Variants in FHIT observed in about 807,000 individuals in gnomAD.
The protein encoded by FHIT is fragile histidine triad diadenosine triphosphatase, also known as bis(5'-adenosyl)-triphosphatase.
Under a neutral mutation model 17.9 loss-of-function variants are expected in FHIT, and 19 were observed. That is an observed-to-expected ratio of 1.06 (90% CI 0.74 to 1.56). The LOEUF is 1.56. Among genes scored for constraint, FHIT ranks in the 40% most tolerant of loss-of-function variants. The pLI is 0.00. For missense variants in FHIT, 248 were observed against 189.2 expected (o/e 1.31, Z -1.82); for synonymous variants, 81 against 69.7 (o/e 1.16, Z -0.81).
At chr3:60,940,141 G>T (rs983900288) in intron 3 of FHIT, among the ~76,000 whole-genome samples, 2 of 152,170 alleles carry the variant, frequency 1.3e-5, no homozygotes, top group African/African-American at 4.8e-5. Flanking sequence ...ACGGGATAAA[G>T]ACTGGGTGAT....
intron 8 of FHIT, among the ~76,000 whole-genome samples, chr3:59,857,385 C>T (rs956200479): frequency 1.3e-5 from 2 of 152,004 alleles, no homozygotes; most frequent in Non-Finnish European, 2.9e-5. Context: ...AACATTCTGG[C>T]CACTTCACTG....
At chr3:60,723,094 T>C (rs549235324) in intron 4 of FHIT, among the ~76,000 whole-genome samples, 1 of 152,288 alleles carries the variant, frequency 6.6e-6, no homozygotes, top group Non-Finnish European at 1.5e-5. Flanking sequence ...CTCTAGACTC[T>C]TCTTCCTCAG....
chr3:60,553,441 AATATATATAT>A (rs373735298), intron 4 of FHIT: 36 of 483,560 alleles, frequency 7.4e-5, no homozygotes, highest in African/African-American at 6.8e-4. Context: ...ACTGCTTTAA[AATATATATAT>A]ATATATATTT....
intron 8 of FHIT, among the ~76,000 whole-genome samples, chr3:59,812,967 A>C (rs2107054028): frequency 6.6e-6 from 1 of 152,264 alleles, no homozygotes; most frequent in Middle Eastern, 3.4e-3. Context: ...CCAGCAGGGA[A>C]AATTCCGTGC....
intron 1 of FHIT, among the ~76,000 whole-genome samples, chr3:61,239,760 GCC>G (rs1491368730): frequency 0.21 from 6,528 of 31,016 alleles, 553 homozygotes; most frequent in East Asian, 0.49. Context: ...AAAACAACTG[GCC>G]ATATATATAT....
intron 4 of FHIT, among the ~76,000 whole-genome samples, chr3:60,738,826 C>G (rs1440136114): frequency 6.6e-6 from 1 of 152,244 alleles, no homozygotes; most frequent in Non-Finnish European, 1.5e-5. Flanking sequence ...AAGGCCCCAA[C>G]CTCAAGCCTG....
intron 2 of FHIT, among the ~76,000 whole-genome samples, chr3:61,053,388 G>A (rs1468132524): frequency 6.6e-6 from 1 of 152,204 alleles, no homozygotes; most frequent in Non-Finnish European, 1.5e-5. Context: ...GCTGGGTGTG[G>A]TGGCTCACAC....
chr3:60,060,732 G>A (rs1702263581), intron 5 of FHIT, among the ~76,000 whole-genome samples: 1 of 152,120 alleles, frequency 6.6e-6, no homozygotes, highest in Non-Finnish European at 1.5e-5. Flanking sequence ...TTCTCCCCCA[G>A]TGTGATACCA....
At chr3:61,113,901 C>G (rs1303435082) in intron 2 of FHIT, among the ~76,000 whole-genome samples, 1 of 152,174 alleles carries the variant, frequency 6.6e-6, no homozygotes, top group African/African-American at 2.4e-5. Flanking sequence ...CTGCAGCACA[C>G]GGTCTCTGTC....
chr3:59,986,531 A>AAATATATTTATATTTATACATT (rs1708924362), intron 7 of FHIT, among the ~76,000 whole-genome samples: 4 of 5,292 alleles, frequency 7.6e-4, no homozygotes, highest in African/African-American at 1.8e-3. Context: ...ATATATATAT[A>AAATATATTTATATTTATACATT]TATATATATA....
chr3:60,474,914 C>T (rs1167198841), intron 5 of FHIT, among the ~76,000 whole-genome samples: 2 of 152,152 alleles, frequency 1.3e-5, no homozygotes, highest in Non-Finnish European at 2.9e-5. Context: ...TGAGCCACCG[C>T]ACCTGGCCAA....
chr3:60,718,698 G>A (rs1462821731), intron 4 of FHIT, among the ~76,000 whole-genome samples: 2 of 152,160 alleles, frequency 1.3e-5, no homozygotes, highest in Non-Finnish European at 2.9e-5. Flanking sequence ...CTATCAGACA[G>A]AACAACTCTT....
chr3:59,949,981 A>C (rs1464153932), intron 7 of FHIT, among the ~76,000 whole-genome samples: 4 of 152,210 alleles, frequency 2.6e-5, no homozygotes, highest in Non-Finnish European at 5.9e-5. Context: ...TAAATCTCTA[A>C]TGAGGACCAG....
At chr3:60,556,446 C>A (rs1423241994) in intron 4 of FHIT, among the ~76,000 whole-genome samples, 1 of 152,198 alleles carries the variant, frequency 6.6e-6, no homozygotes, top group African/African-American at 2.4e-5. Context: ...GCAACAAGAG[C>A]CTTGCACCAA....
At chr3:60,208,224 T>G (rs1703290073) in intron 5 of FHIT, among the ~76,000 whole-genome samples, 1 of 152,230 alleles carries the variant, frequency 6.6e-6, no homozygotes, top group African/African-American at 2.4e-5. Flanking sequence ...AAATTTCCAC[T>G]GCCACAGGCA....
chr3:60,543,402 T>C (rs2036249132), intron 4 of FHIT, among the ~76,000 whole-genome samples: 1 of 152,218 alleles, frequency 6.6e-6, no homozygotes, highest in Non-Finnish European at 1.5e-5. Flanking sequence ...TTGATTAGAC[T>C]GAATTTAAAT....
intron 2 of FHIT, among the ~76,000 whole-genome samples, chr3:61,059,198 T>C (rs186453447): frequency 1.3e-5 from 2 of 152,312 alleles, no homozygotes; most frequent in East Asian, 1.9e-4. Context: ...CTTTCGTAAA[T>C]GGTAAATGAA....
intron 5 of FHIT, among the ~76,000 whole-genome samples, chr3:60,043,673 C>T (rs2630159): frequency 8.1e-5 from 10 of 123,592 alleles, no homozygotes; most frequent in African/African-American, 1.7e-4. Flanking sequence ...TATAGATAGA[C>T]AGATAGATAG....
intron 2 of FHIT, among the ~76,000 whole-genome samples, chr3:61,070,067 T>C (rs1306559244): frequency 6.6e-6 from 1 of 152,156 alleles, no homozygotes. Flanking sequence ...AATTTGTGTA[T>C]ATTTTTAGTA....
Sources: gnomAD v4.1 joint callset for allele counts (sites outside exome capture counted in the v4.1 genomes callset) on GRCh38, gnomAD v4.1.1 for gene constraint, MANE v1.5 for transcripts, NCBI Gene and HGNC (gene_info 2026-07-23, HGNC 2026-07-21) for gene names.